The following EBF2 variants were observed in gnomAD, a reference collection of about 807,000 sequenced individuals.
EBF2 encodes the protein EBF transcription factor 2.
A neutral mutation model predicts 72.8 loss-of-function variants in EBF2; 21 were observed. The ratio of observed to expected loss-of-function variants is 0.29; its 90% confidence interval spans 0.20 to 0.42. The LOEUF (loss-of-function observed/expected upper bound fraction) is 0.42. Among genes scored for constraint, EBF2 ranks in the 10% least tolerant of loss-of-function variants. The pLI, the probability that EBF2 is intolerant of heterozygous loss-of-function variation, is 1.00. For missense variants in EBF2, 637 were observed against 731.2 expected (o/e 0.87, Z 1.49); for synonymous variants, 299 against 274.2 (o/e 1.09, Z -0.89).
chr8:25,976,846 T>C (rs1804276280), intron 6 of EBF2, among the ~76,000 whole-genome samples: 1 of 152,184 alleles, frequency 6.6e-6, no homozygotes, highest in Non-Finnish European at 1.5e-5. Context: ...AATAAAGGGT[T>C]TAAACTTTGC....
At chr8:25,932,088 G>A (rs188342391) in intron 6 of EBF2, among the ~76,000 whole-genome samples, 73 of 152,194 alleles carry the variant, frequency 4.8e-4, no homozygotes, top group African/African-American at 1.6e-3. Context: ...CCAGGAGAAG[G>A]GGGAAAATGT....
chr8:26,043,511 C>T (rs1049117080), intron 1 of EBF2, among the ~76,000 whole-genome samples: 6 of 152,184 alleles, frequency 3.9e-5, no homozygotes, highest in Non-Finnish European at 7.3e-5. Context: ...CGGGCCAGTC[C>T]CGAAGCGCTG....
chr8:25,990,382 A>G (rs1467311264), intron 6 of EBF2, among the ~76,000 whole-genome samples: 1 of 152,216 alleles, frequency 6.6e-6, no homozygotes, highest in Non-Finnish European at 1.5e-5. Context: ...AAAGCTTAAA[A>G]TGAGCAATGT....
rs74778357 is a variant in EBF2 at position 25,915,765 on chromosome 8, G to C, written c.552-7210C>G. ...CATTTTTTGGGAATCAAGTCACCAA[G>C]GCTAAATTTTGGAAGCATTTACCCA... is the stretch of plus-strand genomic sequence containing the variant. On this transcript the variant is annotated intron_variant, in intron 6 of 15. Coordinates refer to ENST00000520164, the MANE Select transcript of EBF2 (RefSeq NM_022659.4). Among the ~76,000 whole-genome samples, 1,488 of 152,216 alleles carry C rather than the reference G, an allele frequency of 9.8e-3. 18 individuals carry two copies. The highest frequency in any genetic ancestry group is 0.025 in the African/African-American group (1,046 of 41,528).
At chr8:25,857,146 C>A (rs1039330659) in intron 14 of EBF2, among the ~76,000 whole-genome samples, 4 of 152,110 alleles carry the variant, frequency 2.6e-5, no homozygotes, top group African/African-American at 9.7e-5. Context: ...CTTAGGCCAC[C>A]TGACAAGACA....
intron 6 of EBF2, among the ~76,000 whole-genome samples, chr8:25,993,093 G>C (rs1440378523): frequency 6.6e-6 from 1 of 151,924 alleles, no homozygotes; most frequent in Non-Finnish European, 1.5e-5. Flanking sequence ...CAATACACTG[G>C]GAAAGTGGAA....
intron 6 of EBF2, among the ~76,000 whole-genome samples, chr8:25,980,854 T>G: frequency 7.0e-6 from 1 of 143,386 alleles, no homozygotes; most frequent in African/African-American, 2.6e-5. Flanking sequence ...GGGAGGGGTG[T>G]CATTGGGAAC....
chr8:25,931,559 G>C (rs371208877), intron 6 of EBF2, among the ~76,000 whole-genome samples: 1 of 152,154 alleles, frequency 6.6e-6, no homozygotes, highest in Non-Finnish European at 1.5e-5. Flanking sequence ...AATAAAATTT[G>C]TCACCTAGCT....
At position 26,002,919 on chromosome 8, in the gene EBF2, CA is replaced by C. The variant is rs1374960785; in HGVS notation, c.551+30165del. ...GCAGGCGGGCAGGCGGGCAGGCGGG[CA>C]GGCGGGCAGGCAGGCAGGCAGGCGG... On this transcript the variant is annotated intron_variant, in intron 6 of 15. Transcript: ENST00000520164. Among the ~76,000 whole-genome samples, 3 of 4,884 alleles carry C rather than the reference CA, an allele frequency of 6.1e-4. No homozygotes were observed. In the East Asian group the frequency reaches 0.034, roughly 55 times the overall value. 3.2% of individuals were successfully genotyped at this position (4,884 alleles called of 152,430 possible).
chr8:25,999,430 C>T (rs919788431), intron 6 of EBF2, among the ~76,000 whole-genome samples: 4 of 152,144 alleles, frequency 2.6e-5, no homozygotes, highest in African/African-American at 9.7e-5. Flanking sequence ...TGTAGCATGT[C>T]TCATGAAAAC....
chr8:25,871,082 CTT>C (rs1802431969), intron 10 of EBF2, among the ~76,000 whole-genome samples: 1 of 152,176 alleles, frequency 6.6e-6, no homozygotes, highest in African/African-American at 2.4e-5. Flanking sequence ...TTTGACAACT[CTT>C]TGGTTCCAGA....
intron 7 of EBF2, among the ~76,000 whole-genome samples, chr8:25,894,915 C>T (rs1262472048): frequency 2.0e-5 from 3 of 152,316 alleles, no homozygotes; most frequent in South Asian, 2.1e-4. Flanking sequence ...AGCAAACATA[C>T]GGATAGTAAT....
chr8:25,965,045 A>C (rs78380069), intron 6 of EBF2, among the ~76,000 whole-genome samples: 1 of 152,200 alleles, frequency 6.6e-6, no homozygotes, highest in Non-Finnish European at 1.5e-5. Flanking sequence ...AAGATGAGAA[A>C]TATCAGTTCT....
intron 10 of EBF2, among the ~76,000 whole-genome samples, chr8:25,876,292 A>C (rs1585271615): frequency 1.3e-5 from 2 of 152,286 alleles, no homozygotes; most frequent in East Asian, 3.9e-4. Flanking sequence ...CATCAGGACA[A>C]ATAGCTAATG....
At chr8:25,991,079 C>T (rs1207458815) in intron 6 of EBF2, among the ~76,000 whole-genome samples, 1 of 151,874 alleles carries the variant, frequency 6.6e-6, no homozygotes, top group African/African-American at 2.4e-5. Context: ...GATCTCGAAG[C>T]AATTTCTTGC....
At chr8:25,930,951 C>T (rs1018113348) in intron 6 of EBF2, among the ~76,000 whole-genome samples, 5 of 152,170 alleles carry the variant, frequency 3.3e-5, no homozygotes, top group Non-Finnish European at 5.9e-5. Flanking sequence ...TTTCATGAAA[C>T]ATCTCAGAGA....
At chr8:26,027,430 A>G (rs1015174394) in intron 6 of EBF2, among the ~76,000 whole-genome samples, 2 of 129,996 alleles carry the variant, frequency 1.5e-5, no homozygotes, top group African/African-American at 5.8e-5. Context: ...AAGATGGTGG[A>G]AGAAGAAAAC....
At chr8:25,859,137 T>G (rs1802160180) in intron 13 of EBF2, among the ~76,000 whole-genome samples, 2 of 152,210 alleles carry the variant, frequency 1.3e-5, no homozygotes, top group African/African-American at 4.8e-5. Context: ...TCCAGTGAGA[T>G]ATGATTGGTG....
chr8:25,883,582 C>A (rs976504570), intron 10 of EBF2, among the ~76,000 whole-genome samples: 3 of 152,080 alleles, frequency 2.0e-5, no homozygotes, highest in African/African-American at 7.2e-5. Flanking sequence ...GGGGTTTGAC[C>A]TAGGCACTGA....
Sources: allele counts gnomAD v4.1 joint callset (sites outside exome capture counted in the v4.1 genomes callset), GRCh38; gene constraint gnomAD v4.1.1; transcripts MANE v1.5; gene names NCBI Gene and HGNC (gene_info 2026-07-23, HGNC 2026-07-21).